SLC30A3: variants seen among roughly 807,000 people sequenced by gnomAD.
The protein encoded by SLC30A3 is solute carrier family 30 member 3.
Under a neutral mutation model 35.6 loss-of-function variants are expected in SLC30A3, and 20 were observed. The ratio of observed to expected loss-of-function variants is 0.56; its 90% CI spans 0.39 to 0.82. The LOEUF is 0.82. Ranked by LOEUF, SLC30A3 falls within the 40% of genes least tolerant of loss-of-function variation. SLC30A3 has a pLI of 0.00. For missense variants in SLC30A3, 401 were observed against 530.6 expected (o/e 0.76, Z 2.40); for synonymous variants, 217 against 224.7 (o/e 0.97, Z 0.31).
At chr2:27,268,120 G>A (rs949279647) in intron 1 of SLC30A3, among the ~76,000 whole-genome samples, 1 of 152,006 alleles carries the variant, frequency 6.6e-6, no homozygotes, top group African/African-American at 2.4e-5. Flanking sequence ...CAGAAATTCT[G>A]TCTGTTTTAC....
chr2:27,267,388 C>T (rs1288960830), upstream of SLC30A3, among the ~76,000 whole-genome samples: 3 of 152,144 alleles, frequency 2.0e-5, no homozygotes, highest in Non-Finnish European at 4.4e-5. Flanking sequence ...CTTCTAATGG[C>T]CTGCAAGGGG....
chr2:27,275,117 A>T (rs1677949209), intron 1 of SLC30A3: 2 of 1,168,232 alleles, frequency 1.7e-6, no homozygotes, highest in Non-Finnish European at 2.3e-6. Flanking sequence ...GAGAGCCCTA[A>T]GTCCTGAAGA....
chr2:27,258,933 G>A lies in SLC30A3; in HGVS notation c.97C>T (p.Leu33Phe). 1.3e-6 allele frequency: 2 copies of A among 1,584,728 alleles called. No homozygotes were observed. Among genetic ancestry groups the A allele is most frequent in the Non-Finnish European group, 1.7e-6 (2 of 1,165,522 alleles). The change falls in exon 2 of 8, where the codon CTC becomes TTC. Residue 33 changes from leucine to phenylalanine, a missense_variant and splice_region_variant. By Grantham distance (22) the Leu-to-Phe change is conservative. Coordinates refer to ENST00000233535, the MANE Select transcript of SLC30A3 (RefSeq NM_003459.5). The surrounding 1 kb of genome is among the most constrained non-coding windows in gnomAD (Gnocchi z 4.0). ...GAGGSLRLKSLFTEPSEPLPE... is the reference protein window; with the variant it reads ...GAGGSLRLKSFFTEPSEPLPE... ...AGGGGCTCTGAGGGCTCTGTGAAGA[G>A]ACTGAGGCAAGCAACATGGTTCAAC...
upstream of SLC30A3, among the ~76,000 whole-genome samples, chr2:27,267,404 C>T (rs1311657573): frequency 4.6e-5 from 7 of 152,152 alleles, no homozygotes; most frequent in African/African-American, 1.4e-4. Context: ...AGGGGTCCTA[C>T]GGAATTTAGC....
At position 27,258,498 on chromosome 2, in the gene SLC30A3, G is replaced by A; in HGVS notation, c.278-191C>T. On this transcript the variant is annotated intron_variant, in intron 2 of 7. Transcript: ENST00000233535. This position sits in a 1 kb window ranked among gnomAD's most constrained non-coding sequence, Gnocchi z 4.0. ...TCATCTGTATTTTATTTTCTACAAT[G>A]ATTTATTTTAATAACAAGAAAATAG... 1 of 671,910 alleles carries A rather than the reference G, an allele frequency of 1.5e-6. No homozygotes were observed. Among genetic ancestry groups the A allele is most frequent in the South Asian group, 2.3e-5 (1 of 44,126 alleles). The allele number at this position is 671,910 out of a possible 1,614,324, so 41.6% of individuals were successfully genotyped here. A position where few individuals can be genotyped will look rare whatever the true frequency, so the allele number is the denominator to read the frequency against.
intron 7 of SLC30A3, chr2:27,256,111 T>C: frequency 2.1e-6 from 1 of 484,870 alleles, no homozygotes; most frequent in Non-Finnish European, 3.7e-6. Context: ...GTACTAATGA[T>C]CTTTTAAAGG....
At chr2:27,256,178 T>A in intron 7 of SLC30A3, 2 of 610,932 alleles carry the variant, frequency 3.3e-6, no homozygotes, top group Non-Finnish European at 5.7e-6. Flanking sequence ...GAACACTGCA[T>A]CCAGTGGATG....
intron 1 of SLC30A3, among the ~76,000 whole-genome samples, chr2:27,273,832 G>A (rs1490003777): frequency 6.6e-6 from 1 of 151,406 alleles, no homozygotes; most frequent in Non-Finnish European, 1.5e-5. Flanking sequence ...CAGTGCTGGG[G>A]AAGAAATGAG....
At position 27,258,337 on chromosome 2, in the gene SLC30A3, C is replaced by T. The variant is rs1305893582; in HGVS notation, c.278-30G>A. 1 of 1,507,944 alleles carries T rather than the reference C, an allele frequency of 6.6e-7. No homozygotes were observed. The highest frequency in any genetic ancestry group is 8.9e-7 in the Non-Finnish European group (1 of 1,127,246). The allele number at this position is 1,507,944 out of a possible 1,614,324, so 93.4% of individuals were successfully genotyped here. Reference sequence around the variant, plus strand: ...CAGGGTGAAATGATGGAGTCTGCTTCCATTTAGAAAATATCATGTAGTGTG... The same window carrying T: ...CAGGGTGAAATGATGGAGTCTGCTTTCATTTAGAAAATATCATGTAGTGTG... On this transcript the variant is annotated intron_variant, in intron 2 of 7. Transcript: ENST00000233535. The surrounding 1 kb of genome is among the most constrained non-coding windows in gnomAD (Gnocchi z 4.0).
upstream of SLC30A3, among the ~76,000 whole-genome samples, chr2:27,265,940 G>A (rs371359725): frequency 5.6e-4 from 86 of 152,298 alleles, no homozygotes; most frequent in East Asian, 0.01. The surrounding 1 kb of genome is among the most constrained non-coding windows in gnomAD (Gnocchi z 5.9). Context: ...TGGTCACAGG[G>A]AGAATGAGGG....
rs759619470 is a variant in SLC30A3 at position 27,256,774 on chromosome 2, G to T, written c.883+14C>A. 1 of 1,569,792 alleles carries T rather than the reference G, an allele frequency of 6.4e-7. No homozygotes were observed. Among genetic ancestry groups the T allele is most frequent in the Admixed American group, 1.8e-5 (1 of 54,548 alleles). The stretch of plus-strand genomic sequence containing the variant: ...GAGGGCCACAGGGATGGGGAGCTGT[G>T]GTGCCCGACTCACCTTCCATGAGGA... On this transcript the variant is annotated intron_variant, in intron 6 of 7. Coordinates refer to ENST00000233535, the MANE Select transcript of SLC30A3 (RefSeq NM_003459.5).
At chr2:27,259,017 C>T (rs1002205987) in intron 1 of SLC30A3, 83 bp from the exon 2 acceptor site, 1 of 1,110,484 alleles carries the variant, frequency 9.0e-7, no homozygotes, top group African/African-American at 1.6e-5. Context: ...CAGTGCTGGC[C>T]TCATCAGACC....
In SLC30A3 at chr2:27,255,342, G is replaced by A. The variant is rs1264004641; in HGVS notation, c.1137C>T (p.Cys379=). 2 of 1,614,170 alleles carry A rather than the reference G, an allele frequency of 1.2e-6. No individual in the cohort carries two copies. Among genetic ancestry groups the A allele is most frequent in the Non-Finnish European group, 1.7e-6 (2 of 1,180,028 alleles). ...VEQYQPEMAQ[C]LRCQEPPQA ...CTTGGGGGGGTTCCTGGCAGCGCAG[G>A]CACTGGGCCATCTCCGGCTGATACT... The change falls in exon 8 of 8, where the codon TGC becomes TGT. Residue 379 remains cysteine (C), a synonymous_variant. Transcript: ENST00000233535. The surrounding 1 kb of genome is among the most constrained non-coding windows in gnomAD (Gnocchi z 5.2).
rs568824006 is a variant in SLC30A3, at chr2:27,255,321, G to T, written c.1158C>A (p.Pro386=). 3.5e-5 allele frequency: 57 copies of T among 1,613,966 alleles called. No individual in the cohort carries two copies. The highest frequency in any genetic ancestry group is 1.1e-4 in the South Asian group (10 of 91,080). The change falls in exon 8 of 8, where the codon CCC becomes CCA. Residue 386 remains proline (P), a synonymous_variant. Coordinates refer to ENST00000233535, the MANE Select transcript of SLC30A3 (RefSeq NM_003459.5). This position sits in a 1 kb window ranked among gnomAD's most constrained non-coding sequence, Gnocchi z 5.2. ...MAQCLRCQEP[P]QA is the part of the protein sequence containing the mutation. ...AGGGCAGGGCCATGGCTCAGGCTTG[G>T]GGGGGTTCCTGGCAGCGCAGGCACT...
Position 27,258,707 on chromosome 2 carries a change from G to C in SLC30A3, c.277+46C>G. The C allele has an allele frequency of 6.3e-7, 1 of 1,596,916 alleles. No individual in the cohort carries two copies. Among genetic ancestry groups the C allele is most frequent in the South Asian group, 1.1e-5 (1 of 90,548 alleles). Reference sequence around the variant, plus strand: ...GGGACTCTGGGTGGAGAGTGGCTTGGGCAGGTATTTGGAGAATGGGGTTTA... The same window carrying C: ...GGGACTCTGGGTGGAGAGTGGCTTGCGCAGGTATTTGGAGAATGGGGTTTA... On this transcript the variant is annotated intron_variant, in intron 2 of 7. Coordinates refer to ENST00000233535, the MANE Select transcript of SLC30A3 (RefSeq NM_003459.5). This position sits in a 1 kb window ranked among gnomAD's most constrained non-coding sequence, Gnocchi z 4.0.
At position 27,258,986 on chromosome 2, in the gene SLC30A3, T is replaced by C; in HGVS notation, c.96-52A>G. The C allele has an allele frequency of 7.0e-7, 1 of 1,428,888 alleles. No individual in the cohort carries two copies. Among genetic ancestry groups the C allele is most frequent in the East Asian group, 2.3e-5 (1 of 43,158 alleles). 88.5% of individuals were successfully genotyped at this position (1,428,888 alleles called of 1,614,324 possible). On this transcript the variant is annotated intron_variant, in intron 1 of 7. Coordinates refer to ENST00000233535, the MANE Select transcript of SLC30A3 (RefSeq NM_003459.5). This position sits in a 1 kb window ranked among gnomAD's most constrained non-coding sequence, Gnocchi z 4.0. ...GGGCCTGGCCCACAGGCTGGCCTGC[T>C]CACTCCACGTCCTTAGTCCCCAGTG...
At chr2:27,263,254 C>T, upstream of SLC30A3, 1 of 538,788 alleles carries the variant, frequency 1.9e-6, no homozygotes, top group Non-Finnish European at 3.3e-6. Flanking sequence ...TCCACAGCCC[C>T]GTCCCCCAGG....
In SLC30A3 at chr2:27,256,822, G is replaced by C; in HGVS notation, c.849C>G (p.Pro283=). 1 of 1,606,834 alleles carries C rather than the reference G, an allele frequency of 6.2e-7. No individual in the cohort carries two copies. Among genetic ancestry groups the C allele is most frequent in the Non-Finnish European group, 8.5e-7 (1 of 1,178,202 alleles). The change falls in exon 6 of 8, where the codon CCC becomes CCG. Residue 283 remains proline, a synonymous_variant. Coordinates refer to ENST00000233535, the MANE Select transcript of SLC30A3 (RefSeq NM_003459.5). ...GGATTCGAAGAACGTCTCGGAGGGT[G>C]GGAGCGGTGGATCCAAGGGCACAGA... is the stretch of plus-strand genomic sequence containing the variant. ...FSICALGSTA[P]TLRDVLRILM... is the part of the protein sequence containing the mutation.
intron 1 of SLC30A3, among the ~76,000 whole-genome samples, chr2:27,273,658 A>G (rs1677835685): frequency 6.6e-6 from 1 of 152,106 alleles, no homozygotes; most frequent in Admixed American, 6.6e-5. Flanking sequence ...AAAGGTCTTC[A>G]TCCCCTCTCC....
Sources: allele counts gnomAD v4.1 joint callset (sites outside exome capture counted in the v4.1 genomes callset), GRCh38; gene constraint gnomAD v4.1.1; non-coding constraint Gnocchi (gnomAD v3.1); transcripts MANE v1.5; gene names NCBI Gene and HGNC (gene_info 2026-07-23, HGNC 2026-07-21).